MYOM3: variants seen among roughly 807,000 people sequenced by gnomAD.
MYOM3 encodes the protein myomesin 3.
In MYOM3, 155 loss-of-function variants were observed where a neutral mutation model predicts 191.7. The observed-to-expected ratio is 0.81, with a 90% confidence interval of 0.71 to 0.92. The LOEUF is 0.92. Ranked by LOEUF, MYOM3 falls within the 40% of genes least tolerant of loss-of-function variation. The pLI is 0.00. For missense variants in MYOM3, 1,889 were observed against 1,890.6 expected (o/e 1.00, Z 0.02); for synonymous variants, 757 against 762.9 (o/e 0.99, Z 0.13).
intron 7 of MYOM3, among the ~76,000 whole-genome samples, chr1:24,097,636 C>G (rs893491963): frequency 6.6e-6 from 1 of 152,208 alleles, no homozygotes; most frequent in African/African-American, 2.4e-5. Flanking sequence ...CAGGAGAGGT[C>G]AGTTCCCTTC....
At chr1:24,083,710 C>T (rs1643701542) in intron 16 of MYOM3, 1 of 152,370 alleles carries the variant, frequency 6.6e-6, no homozygotes, top group South Asian at 2.1e-4. Context: ...GTTTAAGCTC[C>T]TGGAGGGATG....
intron 7 of MYOM3, among the ~76,000 whole-genome samples, chr1:24,096,077 C>T (rs1308401416): frequency 6.6e-6 from 1 of 152,210 alleles, no homozygotes. Flanking sequence ...TTATTATCCT[C>T]TCAAACAGAA....
chr1:24,086,368 C>T lies in MYOM3; in HGVS notation c.1798+276G>A, dbSNP rs1643747494. ...GGAACGGAGGGACCAGTTGCTTGCA[C>T]AGCTGCTGTGCAGGGCCCAGCTGTG... On this transcript the variant is annotated intron_variant, in intron 15 of 36. Transcript: ENST00000374434. Among the ~76,000 whole-genome samples, 3 of 152,142 alleles carry T rather than the reference C, an allele frequency of 2.0e-5. No individual in the cohort carries two copies. The South Asian group carries it at 6.2e-4, about 31-fold the overall frequency.
chr1:24,095,540 T>G (rs746949293), intron 7 of MYOM3, 54 bp from the exon 8 acceptor site: 197 of 1,540,116 alleles, frequency 1.3e-4, no homozygotes, highest in Non-Finnish European at 1.6e-4. Context: ...CACATTCCTA[T>G]GCTATTTTGG....
rs745780770 is a variant in MYOM3 at position 24,082,645 on chromosome 1, C to T, written c.2040G>A (p.Gly680=). Residue 680 remains glycine (G), a synonymous_variant, in exon 17 of 37, where the codon GGG becomes GGA. Coordinates refer to ENST00000374434, the MANE Select transcript of MYOM3 (RefSeq NM_152372.4). Reference sequence around the variant, plus strand: ...CGGTGGCGGCTGAGCTCTCGCCTACCCCAGCCTCGCTGACTGACCTGACAC... The same window carrying T: ...CGGTGGCGGCTGAGCTCTCGCCTACTCCAGCCTCGCTGACTGACCTGACAC... ...EFCVRSVSEA[G]VGESSAATEP... is the part of the protein sequence containing the mutation. The T allele has an allele frequency of 1.2e-6, 2 of 1,612,702 alleles. No homozygotes were observed. Among genetic ancestry groups the T allele is most frequent in the East Asian group, 2.2e-5 (1 of 44,712 alleles).
rs749800253 is a variant in MYOM3 at position 24,086,733 on chromosome 1, G to A, written c.1709C>T (p.Ser570Leu). 1.4e-5 allele frequency: 22 copies of A among 1,614,056 alleles called. No individual in the cohort carries two copies. The highest frequency in any genetic ancestry group is 5.3e-5 in the African/African-American group (4 of 74,936). The change falls in exon 15 of 37, where the codon TCG becomes TTG. Residue 570 changes from serine to leucine, a missense_variant. Transcript: ENST00000374434. ...FAVLDLEKKK[S>L]YVFRVRAMNQ... ...CATTGCTCGCACTCTGAAGACATAC[G>A]ACTTCTTTTTCTCCAGGTCCAGAAC...
At chr1:24,086,875 G>T in intron 14 of MYOM3, 48 bp from the exon 15 acceptor site, 4 of 1,575,430 alleles carry the variant, frequency 2.5e-6, no homozygotes, top group Non-Finnish European at 3.5e-6. Context: ...GCCCAGACCG[G>T]CTCTGTGCTG....
In MYOM3 at chr1:24,061,935, G is replaced by A; in HGVS notation, c.3934+11C>T. The A allele has an allele frequency of 6.2e-7, 1 of 1,614,064 alleles. No homozygotes were observed. Among genetic ancestry groups the A allele is most frequent in the Non-Finnish European group, 8.5e-7 (1 of 1,179,964 alleles). On this transcript the variant is annotated intron_variant, in intron 33 of 36. Coordinates refer to ENST00000374434, the MANE Select transcript of MYOM3 (RefSeq NM_152372.4). ...AGCAGGTTTCCCTGCAGACATAGGT[G>A]GATGGCTCACCTTGCCCTGAGAGAT... is the stretch of plus-strand genomic sequence containing the variant.
intron 4 of MYOM3, 81 bp downstream of exon 4, chr1:24,106,992 C>T: frequency 2.9e-6 from 4 of 1,400,294 alleles, no homozygotes; most frequent in Admixed American, 2.4e-5. Context: ...GATGTCCCGC[C>T]TCTTGGGAAG....
At position 24,075,405 on chromosome 1, in the gene MYOM3, G is replaced by A. The variant is rs1271937070; in HGVS notation, c.2772C>T (p.Ala924=). The A allele has an allele frequency of 1.9e-6, 3 of 1,609,992 alleles. No individual in the cohort carries two copies. Among genetic ancestry groups the A allele is most frequent in the Non-Finnish European group, 1.7e-6 (2 of 1,178,880 alleles). The change falls in exon 22 of 37, where the codon GCC becomes GCT. Residue 924 remains alanine, a synonymous_variant. Coordinates refer to ENST00000374434, the MANE Select transcript of MYOM3 (RefSeq NM_152372.4). ...FIYLAFEAPE[A]PDSSEFQWSK... ...ACCACTGAAACTCTGAGGAGTCGGG[G>A]GCTTCAGGGGCTTCAAAAGCCAAAT...
At chr1:24,085,850 C>A (rs768265575) in intron 15 of MYOM3, among the ~76,000 whole-genome samples, 3 of 151,658 alleles carry the variant, frequency 2.0e-5, no homozygotes, top group African/African-American at 7.3e-5. Context: ...TGTGTGTGCG[C>A]GTGTGTATTT....
intron 21 of MYOM3, among the ~76,000 whole-genome samples, chr1:24,075,818 ACT>A (rs1157052429): frequency 6.6e-6 from 1 of 151,962 alleles, no homozygotes; most frequent in African/African-American, 2.4e-5. Flanking sequence ...CAGGGATCTT[ACT>A]CTCTCATTCA....
chr1:24,083,008 G>C, intron 16 of MYOM3: 1 of 249,942 alleles, frequency 4.0e-6, no homozygotes, highest in Non-Finnish European at 7.5e-6. Flanking sequence ...CCCAAACCCA[G>C]CGCCACATGG....
chr1:24,073,596 G>T (rs1643557296), intron 23 of MYOM3, among the ~76,000 whole-genome samples: 2 of 152,146 alleles, frequency 1.3e-5, no homozygotes, highest in African/African-American at 4.8e-5. Flanking sequence ...TGGGCACAGT[G>T]GCTCACGCCT....
At position 24,084,656 on chromosome 1, in the gene MYOM3, T is replaced by C; in HGVS notation, c.1799-17A>G. 2 of 1,599,124 alleles carry C rather than the reference T, an allele frequency of 1.3e-6. No individual in the cohort carries two copies. The highest frequency in any genetic ancestry group is 1.7e-6 in the Non-Finnish European group (2 of 1,172,960). On this transcript the variant is annotated splice_polypyrimidine_tract_variant and intron_variant, in intron 15 of 36. Coordinates refer to ENST00000374434, the MANE Select transcript of MYOM3 (RefSeq NM_152372.4). ...GGAGGGTAGCTAAAAAATAGAAACATGGGCTGAATGAGAAGGCTGAGTTAC... is the reference window on the plus strand; with the variant it reads ...GGAGGGTAGCTAAAAAATAGAAACACGGGCTGAATGAGAAGGCTGAGTTAC...
chr1:24,081,476 A>G lies in MYOM3; in HGVS notation c.2281-20T>C, dbSNP rs371642480. ...ACTGACCTTTAAGAGCAGAAACACA[A>G]ACTATGAGGCTGAGGCTGGAGGAGG... On this transcript the variant is annotated intron_variant, in intron 18 of 36. Coordinates refer to ENST00000374434, the MANE Select transcript of MYOM3 (RefSeq NM_152372.4). 12 of 1,612,172 alleles carry G rather than the reference A, an allele frequency of 7.4e-6. No individual in the cohort carries two copies. In the African/African-American group the frequency reaches 1.3e-4, roughly 18 times the overall value.
At chr1:24,064,636 C>T (rs1643413036) in intron 29 of MYOM3, among the ~76,000 whole-genome samples, 2 of 152,224 alleles carry the variant, frequency 1.3e-5, no homozygotes. Flanking sequence ...TTGTCAGCCC[C>T]AAATTAAGTC....
rs1215822325 is a variant in MYOM3, at chr1:24,076,229, C to G, written c.2631G>C (p.Gln877His). The G allele has an allele frequency of 1.2e-6, 2 of 1,614,214 alleles. No individual in the cohort carries two copies. Among genetic ancestry groups the G allele is most frequent in the Non-Finnish European group, 1.7e-6 (2 of 1,180,028 alleles). Residue 877 changes from glutamine (Q) to histidine (H), a missense_variant, in exon 21 of 37, where the codon CAG becomes CAC. Physicochemically the swap from Gln to His is conservative, Grantham distance 24. Transcript: ENST00000374434. The stretch of plus-strand genomic sequence containing the variant: ...GCCCCAGACCAGCTGAATTCATGGC[C>G]TGTACCTGGAACACGTAACTCTTTC... ...QPGKSYVFQV[Q>H]AMNSAGLGQP...
rs1643396142 is a variant in MYOM3 at position 24,063,407 on chromosome 1, C to A, written c.3661+85G>T. ...TGAGGTTAGAAACTAAACCCACCCC[C>A]AATAGCCAAGGCCAGTGTTAGGCTG... On this transcript the variant is annotated intron_variant, in intron 31 of 36. Coordinates refer to ENST00000374434, the MANE Select transcript of MYOM3 (RefSeq NM_152372.4). The surrounding 1 kb of genome is among the most constrained non-coding windows in gnomAD (Gnocchi z 4.5). 31 of 1,554,460 alleles carry A rather than the reference C, an allele frequency of 2.0e-5. No individual in the cohort carries two copies. The highest frequency in any genetic ancestry group is 2.5e-5 in the Non-Finnish European group (28 of 1,126,702).
Sources: gnomAD v4.1 joint callset for allele counts (sites outside exome capture counted in the v4.1 genomes callset) on GRCh38, gnomAD v4.1.1 for gene constraint, Gnocchi (gnomAD v3.1) non-coding constraint, MANE v1.5 for transcripts, NCBI Gene and HGNC (gene_info 2026-07-23, HGNC 2026-07-21) for gene names.